The following FSTL5 variants were observed in gnomAD, a reference collection of about 807,000 sequenced individuals.
FSTL5 encodes follistatin like 5.
Under a neutral mutation model 89.1 loss-of-function variants are expected in FSTL5, and 62 were observed. That is an observed-to-expected ratio of 0.70 (90% CI 0.57 to 0.86). The LOEUF is 0.86. Ranked by LOEUF, FSTL5 falls within the 40% of genes least tolerant of loss-of-function variation. FSTL5 has a pLI of 0.00. For synonymous variants in FSTL5, 383 were observed against 346.2 expected (o/e 1.11, Z -1.18); for missense variants, 1,057 against 1,001.6 (o/e 1.06, Z -0.75).
At chr4:161,433,840 T>C (rs1284154751) in intron 15 of FSTL5, among the ~76,000 whole-genome samples, 1 of 151,872 alleles carries the variant, frequency 6.6e-6, no homozygotes, top group East Asian at 1.9e-4. Flanking sequence ...ATCTAGGAAT[T>C]AATGAAAGAA....
intron 12 of FSTL5, among the ~76,000 whole-genome samples, chr4:161,487,058 A>AT (rs1206960412): frequency 6.6e-6 from 1 of 151,990 alleles, no homozygotes; most frequent in African/African-American, 2.4e-5. Flanking sequence ...TGTTTCACTG[A>AT]TTTTTTTCTT....
chr4:161,872,440 A>C (rs1421717729), intron 4 of FSTL5, among the ~76,000 whole-genome samples: 1 of 152,156 alleles, frequency 6.6e-6, no homozygotes, highest in African/African-American at 2.4e-5. Context: ...GGTCTTCTAG[A>C]GACCTTCAAA....
chr4:162,099,944 T>C (rs895719465), intron 2 of FSTL5, among the ~76,000 whole-genome samples: 1 of 152,098 alleles, frequency 6.6e-6, no homozygotes, highest in Non-Finnish European at 1.5e-5. Flanking sequence ...AGTGGAGCAA[T>C]AGGAACTCTC....
At chr4:161,842,163 G>A (rs541554150) in intron 4 of FSTL5, among the ~76,000 whole-genome samples, 12 of 152,150 alleles carry the variant, frequency 7.9e-5, no homozygotes, top group African/African-American at 2.4e-4. Flanking sequence ...CTTTCCGTGT[G>A]TAATTAAGAA....
intron 5 of FSTL5, among the ~76,000 whole-genome samples, chr4:161,762,264 A>G (rs961651301): frequency 6.6e-6 from 1 of 151,950 alleles, no homozygotes; most frequent in African/African-American, 2.4e-5. Context: ...CCTCCCAGAT[A>G]CCAGAATTTT....
chr4:161,785,874 C>G (rs1341339679), intron 4 of FSTL5, among the ~76,000 whole-genome samples: 1 of 151,936 alleles, frequency 6.6e-6, no homozygotes, highest in Non-Finnish European at 1.5e-5. Flanking sequence ...ATGTATCTGT[C>G]AAGAGTTTAC....
chr4:161,463,073 T>A (rs1733635657), intron 13 of FSTL5, among the ~76,000 whole-genome samples: 2 of 152,090 alleles, frequency 1.3e-5, no homozygotes, highest in African/African-American at 4.8e-5. Context: ...AAAAGTTAAC[T>A]TATGGAAATA....
chr4:161,922,878 A>C (rs963757778), intron 3 of FSTL5, among the ~76,000 whole-genome samples: 1 of 151,968 alleles, frequency 6.6e-6, no homozygotes, highest in East Asian at 1.9e-4. Context: ...CTATTTTTAC[A>C]TGATTGCTTT....
At chr4:161,609,563 ACT>A (rs1218084482) in intron 7 of FSTL5, among the ~76,000 whole-genome samples, 3 of 152,140 alleles carry the variant, frequency 2.0e-5, no homozygotes, top group African/African-American at 7.2e-5. Context: ...AATATCTCAC[ACT>A]GTTAATTTTC....
intron 3 of FSTL5, among the ~76,000 whole-genome samples, chr4:161,943,880 C>A (rs1323668124): frequency 6.6e-6 from 1 of 151,934 alleles, no homozygotes; most frequent in African/African-American, 2.4e-5. Flanking sequence ...TTTACCTGCT[C>A]TGTAAATATA....
rs1731422899 is a variant in FSTL5 at position 161,531,907 on chromosome 4, G to A, written c.1312+6259C>T. Reference sequence around the variant, plus strand: ...TTTTTGTCAGTGTTTTTAGCAATAAGAAATTATTTTTAGAGGGCCGGGCGT... The same window carrying A: ...TTTTTGTCAGTGTTTTTAGCAATAAAAAATTATTTTTAGAGGGCCGGGCGT... On this transcript the variant is annotated intron_variant, in intron 10 of 15. Transcript: ENST00000306100. Among the ~76,000 whole-genome samples, 4 of 152,054 alleles carry A rather than the reference G, an allele frequency of 2.6e-5. No individual in the cohort carries two copies. In the South Asian group the frequency reaches 8.3e-4, roughly 31 times the overall value.
intron 5 of FSTL5, among the ~76,000 whole-genome samples, chr4:161,775,083 ATAC>A: frequency 6.6e-6 from 1 of 152,190 alleles, no homozygotes; most frequent in Non-Finnish European, 1.5e-5. Context: ...AATAAGACCA[ATAC>A]TCCACAATGC....
At chr4:161,805,930 A>C (rs1488455569) in intron 4 of FSTL5, among the ~76,000 whole-genome samples, 3 of 152,118 alleles carry the variant, frequency 2.0e-5, no homozygotes, top group Admixed American at 2.0e-4. Context: ...GATTACATTC[A>C]CATAACTTTT....
intron 8 of FSTL5, among the ~76,000 whole-genome samples, chr4:161,571,554 T>C (rs1440833753): frequency 6.6e-6 from 1 of 151,982 alleles, no homozygotes; most frequent in Non-Finnish European, 1.5e-5. Flanking sequence ...AATAGAGCAT[T>C]AGAAGGAGGG....
chr4:161,491,578 T>A (rs1046629222), intron 12 of FSTL5, among the ~76,000 whole-genome samples: 1 of 152,028 alleles, frequency 6.6e-6, no homozygotes, highest in Non-Finnish European at 1.5e-5. Context: ...TGGTGGCTCA[T>A]GCCTGTAACC....
chr4:161,480,244 T>A (rs1729452128), intron 13 of FSTL5, among the ~76,000 whole-genome samples: 2 of 152,204 alleles, frequency 1.3e-5, no homozygotes, highest in Admixed American at 6.5e-5. Flanking sequence ...TTAAAATAAC[T>A]TCGTAAGATA....
intron 2 of FSTL5, among the ~76,000 whole-genome samples, chr4:162,067,344 C>A (rs1738954115): frequency 6.6e-6 from 1 of 152,048 alleles, no homozygotes; most frequent in Non-Finnish European, 1.5e-5. Flanking sequence ...TGAGCCACCA[C>A]ATTTGGCCTA....
chr4:162,074,111 G>A (rs2111316980), intron 2 of FSTL5, among the ~76,000 whole-genome samples: 1 of 151,732 alleles, frequency 6.6e-6, no homozygotes, highest in Non-Finnish European at 1.5e-5. Context: ...TCCAATTTTA[G>A]GTTATTTTGA....
chr4:162,155,656 C>T (rs770236653), intron 1 of FSTL5, among the ~76,000 whole-genome samples: 3 of 152,152 alleles, frequency 2.0e-5, no homozygotes, highest in Non-Finnish European at 4.4e-5. Flanking sequence ...CACATGGGAG[C>T]ACAGTATGCT....
Sources: gnomAD v4.1 joint callset for allele counts (sites outside exome capture counted in the v4.1 genomes callset) on GRCh38, gnomAD v4.1.1 for gene constraint, MANE v1.5 for transcripts, NCBI Gene and HGNC (gene_info 2026-07-23, HGNC 2026-07-21) for gene names.